ABTB2: variants seen among roughly 807,000 people sequenced by gnomAD.
ABTB2 encodes ankyrin repeat and BTB domain containing 2, also known as ankyrin repeat and BTB/POZ domain-containing protein 2.
A neutral mutation model predicts 104.1 loss-of-function variants in ABTB2; 56 were observed. That is an observed-to-expected ratio of 0.54 (90% confidence interval 0.43 to 0.67). The LOEUF is 0.67. ABTB2 is among the 30% of genes least tolerant of loss of function. The pLI is 0.00. For missense variants in ABTB2, 1,279 were observed against 1,407.7 expected (o/e 0.91, Z 1.46); for synonymous variants, 606 against 608.2 (o/e 1.00, Z 0.05).
chr11:34,193,183 G>A (rs1048818173), intron 3 of ABTB2, among the ~76,000 whole-genome samples: 3 of 152,244 alleles, frequency 2.0e-5, no homozygotes, highest in African/African-American at 7.2e-5. Flanking sequence ...CCTGACAAGA[G>A]GCTCTTTCAC....
chr11:34,347,599 C>T (rs1030184843), intron 1 of ABTB2, among the ~76,000 whole-genome samples: 7 of 152,152 alleles, frequency 4.6e-5, no homozygotes, highest in Admixed American at 3.3e-4. Flanking sequence ...GGAAAAAGAC[C>T]GACACCTGAG....
At chr11:34,158,325 A>G (rs1852657958) in intron 14 of ABTB2, among the ~76,000 whole-genome samples, 1 of 152,192 alleles carries the variant, frequency 6.6e-6, no homozygotes, top group Non-Finnish European at 1.5e-5. Flanking sequence ...AGGCAGGAGA[A>G]TGGCGTGAAC....
intron 4 of ABTB2, among the ~76,000 whole-genome samples, chr11:34,172,393 A>C (rs56100723): frequency 0.014 from 390 of 28,134 alleles, 13 homozygotes; most frequent in East Asian, 0.071. Context: ...AAAAAAAAAA[A>C]AAATATATAT....
intron 1 of ABTB2, among the ~76,000 whole-genome samples, chr11:34,216,597 T>G (rs1466795319): frequency 6.6e-6 from 1 of 151,704 alleles, no homozygotes; most frequent in African/African-American, 2.4e-5. Flanking sequence ...CTAAAAATAC[T>G]AAAATTAGCC....
chr11:34,329,712 G>A (rs998207946), intron 1 of ABTB2, among the ~76,000 whole-genome samples: 1 of 152,200 alleles, frequency 6.6e-6, no homozygotes, highest in African/African-American at 2.4e-5. Context: ...GCCAACCCAG[G>A]AGCAGAATCC....
chr11:34,311,699 C>T (rs796771452), intron 1 of ABTB2, among the ~76,000 whole-genome samples: 30 of 152,286 alleles, frequency 2.0e-4, no homozygotes, highest in African/African-American at 7.2e-4. Context: ...AAGCCCAGCC[C>T]CAGTTACTAG....
At chr11:34,180,548 G>A (rs1487425921) in intron 3 of ABTB2, among the ~76,000 whole-genome samples, 1 of 152,214 alleles carries the variant, frequency 6.6e-6, no homozygotes, top group African/African-American at 2.4e-5. Flanking sequence ...TGGCTTTCTG[G>A]TAGCATTTGT....
Position 34,162,046 on chromosome 11 carries a change from CAT to C in ABTB2, c.2218+528_2218+529del, listed in dbSNP as rs774450965. 2.2e-3 allele frequency among the ~76,000 whole-genome samples: 335 copies of C among 152,330 alleles called. 1 individual carries two copies. The highest frequency in any genetic ancestry group is 0.014 in the Middle Eastern group (4 of 294). ...TGTCACCTCATTCTTAGATAAGGAT[CAT>C]TAGCACCAAAGCCACAGAGGTGGGA... On this transcript the variant is annotated intron_variant, in intron 10 of 16. Transcript: ENST00000435224.
intron 1 of ABTB2, among the ~76,000 whole-genome samples, chr11:34,255,016 G>A (rs377420330): frequency 3.3e-5 from 5 of 152,160 alleles, no homozygotes; most frequent in African/African-American, 1.2e-4. Context: ...TGGTTAGTGG[G>A]TACTATACCG....
chr11:34,274,583 G>A (rs987007612), intron 1 of ABTB2, among the ~76,000 whole-genome samples: 9 of 144,936 alleles, frequency 6.2e-5, no homozygotes, highest in African/African-American at 1.0e-4. Flanking sequence ...ACACACACGC[G>A]TGTGTGTGTA....
intron 3 of ABTB2, among the ~76,000 whole-genome samples, chr11:34,177,645 A>G (rs555623192): frequency 9.2e-5 from 14 of 152,144 alleles, no homozygotes; most frequent in Non-Finnish European, 1.9e-4. Flanking sequence ...GATAAAAGCA[A>G]TAGCAAAGTC....
In ABTB2 at chr11:34,357,914, G is replaced by GGGCGGCGGCGGCAGAAGGAGGA. The variant is rs1554929573; in HGVS notation, c.-353_-332dup. On this transcript the variant is annotated 5_prime_UTR_variant, in exon 1 of 17. Coordinates refer to ENST00000435224, the MANE Select transcript of ABTB2 (RefSeq NM_145804.3). The stretch of plus-strand genomic sequence containing the variant: ...ACAGAGAAGGAATCCCGGGAGAACA[G>GGGCGGCGGCGGCAGAAGGAGGA]GGCGGCGGCGGCAGAAGGAGGAGGC... 1.1e-5 allele frequency: 3 copies of GGGCGGCGGCGGCAGAAGGAGGA among 261,570 alleles called. No individual in the cohort carries two copies. Among genetic ancestry groups the GGGCGGCGGCGGCAGAAGGAGGA allele is most frequent in the Non-Finnish European group, 2.1e-5 (3 of 139,802 alleles). 16.2% of individuals were successfully genotyped at this position (261,570 alleles called of 1,614,324 possible). A position where few individuals can be genotyped will look rare whatever the true frequency, so the allele number is the denominator to read the frequency against.
intron 1 of ABTB2, among the ~76,000 whole-genome samples, chr11:34,272,551 C>CA: frequency 6.6e-6 from 1 of 151,506 alleles, no homozygotes; most frequent in Non-Finnish European, 1.5e-5. Context: ...ACTAAAAATA[C>CA]AAAAAACTAG....
chr11:34,196,252 C>T (rs1647458077), intron 3 of ABTB2, among the ~76,000 whole-genome samples: 1 of 152,162 alleles, frequency 6.6e-6, no homozygotes, highest in Non-Finnish European at 1.5e-5. Flanking sequence ...AGAGAAAACC[C>T]ATTAGAAAAG....
chr11:34,169,419 G>A (rs1852840461), intron 5 of ABTB2, among the ~76,000 whole-genome samples: 1 of 152,160 alleles, frequency 6.6e-6, no homozygotes. Flanking sequence ...GCTGGATGCA[G>A]ACTTCCCCCA....
At chr11:34,319,033 C>T (rs562820818) in intron 1 of ABTB2, among the ~76,000 whole-genome samples, 211 of 152,362 alleles carry the variant, frequency 1.4e-3, no homozygotes, top group Non-Finnish European at 2.6e-3. Flanking sequence ...GAGACTGGCA[C>T]TGTCTTAGCA....
rs183066897 is a variant in ABTB2, at chr11:34,283,301, C to T, written c.883+73400G>A. Among the ~76,000 whole-genome samples, 356 of 152,246 alleles carry T rather than the reference C, an allele frequency of 2.3e-3. 2 individuals carry two copies. The highest frequency in any genetic ancestry group is 0.011 in the South Asian group (53 of 4,824). Reference sequence around the variant, plus strand: ...CACGACCTCAGCTCACTACAACCTCCACCTCCTGGGTTCAAGTGATTCTCA... The same window carrying T: ...CACGACCTCAGCTCACTACAACCTCTACCTCCTGGGTTCAAGTGATTCTCA... On this transcript the variant is annotated intron_variant, in intron 1 of 16. Coordinates refer to ENST00000435224, the MANE Select transcript of ABTB2 (RefSeq NM_145804.3).
chr11:34,293,207 C>A (rs1854583004), intron 1 of ABTB2, among the ~76,000 whole-genome samples: 1 of 152,070 alleles, frequency 6.6e-6, no homozygotes, highest in African/African-American at 2.4e-5. Flanking sequence ...ATAAATCATG[C>A]CATTTACTGA....
intron 1 of ABTB2, among the ~76,000 whole-genome samples, chr11:34,316,160 C>T (rs72914590): frequency 0.039 from 5,908 of 152,280 alleles, 172 homozygotes; most frequent in Non-Finnish European, 0.06. Context: ...GACACCCCGT[C>T]CCTGGGCAAG....
Sources: gnomAD v4.1 joint callset for allele counts (sites outside exome capture counted in the v4.1 genomes callset) on GRCh38, gnomAD v4.1.1 for gene constraint, MANE v1.5 for transcripts, NCBI Gene and HGNC (gene_info 2026-07-23, HGNC 2026-07-21) for gene names.